The following ATRNL1 variants were observed in gnomAD, a reference collection of about 807,000 sequenced individuals.
The protein encoded by ATRNL1 is attractin-like protein 1.
Under a neutral mutation model 182.7 loss-of-function variants are expected in ATRNL1, and 95 were observed. The ratio of observed to expected loss-of-function variants is 0.52; its 90% CI spans 0.44 to 0.62. The LOEUF is 0.62. Among genes scored for constraint, ATRNL1 ranks in the 20% least tolerant of loss-of-function variants. The pLI is 0.00. For missense variants in ATRNL1, 1,471 were observed against 1,679.5 expected (o/e 0.88, Z 2.17); for synonymous variants, 576 against 568.3 (o/e 1.01, Z -0.19).
chr10:115,268,572 G>GCT, intron 13 of ATRNL1, 128 bp downstream of exon 13: 1 of 609,186 alleles, frequency 1.6e-6, no homozygotes, highest in Non-Finnish European at 3.0e-6. Flanking sequence ...AAGTATATAG[G>GCT]GAATCATTCA....
intron 26 of ATRNL1, among the ~76,000 whole-genome samples, chr10:115,621,390 G>A (rs1857763055): frequency 6.6e-6 from 1 of 151,190 alleles, no homozygotes; most frequent in South Asian, 2.1e-4. Flanking sequence ...CTGCAGCCTT[G>A]ACCTCCTGGG....
Position 115,093,686 on chromosome 10 carries a change from C to A in ATRNL1, c.-65C>A. The A allele has an allele frequency of 7.0e-7, 1 of 1,427,992 alleles. No homozygotes were observed. The highest frequency in any genetic ancestry group is 1.3e-5 in the South Asian group (1 of 74,648). The allele number at this position is 1,427,992 out of a possible 1,614,324, so 88.5% of individuals were successfully genotyped here. ...GGAGAGGTTTTCTGCGGCCGGAATT[C>A]CCTTCAACAGCATCCCTGTCGGCGC... On this transcript the variant is annotated 5_prime_UTR_variant, in exon 1 of 29. Coordinates refer to ENST00000355044, the MANE Select transcript of ATRNL1 (RefSeq NM_207303.4). This position sits in a 1 kb window ranked among gnomAD's most constrained non-coding sequence, Gnocchi z 6.1.
intron 28 of ATRNL1, among the ~76,000 whole-genome samples, chr10:115,920,976 C>T (rs1364292837): frequency 6.6e-6 from 1 of 152,090 alleles, no homozygotes; most frequent in Non-Finnish European, 1.5e-5. Flanking sequence ...AGTACAATAA[C>T]AGAAATGGTT....
intron 26 of ATRNL1, among the ~76,000 whole-genome samples, chr10:115,580,552 T>C (rs1365432155): frequency 6.6e-6 from 1 of 152,140 alleles, no homozygotes; most frequent in South Asian, 2.1e-4. Context: ...TCAATTACAA[T>C]GTGTTTCAGT....
At chr10:115,230,365 G>A (rs7096083) in intron 9 of ATRNL1, among the ~76,000 whole-genome samples, 5,164 of 152,232 alleles carry the variant, frequency 0.034, 289 homozygotes, top group African/African-American at 0.12. Flanking sequence ...ACCTAAAGGC[G>A]ATTAAGGAGC....
intron 19 of ATRNL1, among the ~76,000 whole-genome samples, chr10:115,370,967 C>A (rs1328045844): frequency 6.6e-6 from 1 of 152,106 alleles, no homozygotes; most frequent in African/African-American, 2.4e-5. Context: ...GGACTTGGTT[C>A]CCTGCATCCT....
At chr10:115,746,104 T>G (rs1022367013) in intron 27 of ATRNL1, among the ~76,000 whole-genome samples, 2 of 152,048 alleles carry the variant, frequency 1.3e-5, no homozygotes, top group African/African-American at 2.4e-5. Context: ...AATAGAGAGA[T>G]AAGTCATATC....
At chr10:115,333,838 G>A (rs990063330) in intron 18 of ATRNL1, among the ~76,000 whole-genome samples, 45 of 152,048 alleles carry the variant, frequency 3.0e-4, no homozygotes, top group African/African-American at 1.0e-3. Context: ...ATTCTGGTTA[G>A]AATCTATTGC....
At chr10:115,139,631 C>T (rs943247992) in intron 5 of ATRNL1, among the ~76,000 whole-genome samples, 9 of 152,132 alleles carry the variant, frequency 5.9e-5, no homozygotes, top group Non-Finnish European at 7.3e-5. Context: ...CCTTCCATAA[C>T]GTGGGAATTC....
intron 24 of ATRNL1, among the ~76,000 whole-genome samples, chr10:115,473,688 A>G (rs1848407403): frequency 6.6e-6 from 1 of 151,338 alleles, no homozygotes; most frequent in Non-Finnish European, 1.5e-5. Context: ...TCACCAGTGA[A>G]GTCATCGATT....
intron 27 of ATRNL1, among the ~76,000 whole-genome samples, chr10:115,772,950 T>G (rs1357782853): frequency 6.6e-6 from 1 of 152,148 alleles, no homozygotes; most frequent in African/African-American, 2.4e-5. Context: ...GACTACTGAC[T>G]GAGGCAAAAA....
intron 1 of ATRNL1, among the ~76,000 whole-genome samples, chr10:115,118,081 C>A (rs1554870510): frequency 1.3e-5 from 2 of 151,926 alleles, no homozygotes; most frequent in African/African-American, 4.8e-5. Flanking sequence ...GTTGTTTGAG[C>A]ACTGTATATA....
At chr10:115,387,746 G>A (rs1843741553) in intron 19 of ATRNL1, among the ~76,000 whole-genome samples, 1 of 152,032 alleles carries the variant, frequency 6.6e-6, no homozygotes, top group Non-Finnish European at 1.5e-5. Flanking sequence ...ATTCATCTAT[G>A]TAGCATGTAT....
chr10:115,094,363 C>A (rs1273269541), intron 1 of ATRNL1, among the ~76,000 whole-genome samples: 1 of 152,184 alleles, frequency 6.6e-6, no homozygotes, highest in Non-Finnish European at 1.5e-5. Context: ...TTATGATGCC[C>A]AGCACCATTT....
chr10:115,719,040 A>G (rs10510011), intron 26 of ATRNL1, among the ~76,000 whole-genome samples: 56,963 of 152,050 alleles, frequency 0.37, 11,524 homozygotes, highest in East Asian at 0.59. Context: ...CACCATGGAA[A>G]TCTTGATATG....
intron 8 of ATRNL1, among the ~76,000 whole-genome samples, chr10:115,214,483 T>A (rs1849155900): frequency 6.6e-6 from 1 of 152,012 alleles, no homozygotes; most frequent in South Asian, 2.1e-4. Flanking sequence ...CTTGGATGAC[T>A]TTTTTGGATA....
At chr10:115,755,801 G>C (rs1055005331) in intron 27 of ATRNL1, among the ~76,000 whole-genome samples, 1 of 152,074 alleles carries the variant, frequency 6.6e-6, no homozygotes, top group Non-Finnish European at 1.5e-5. Flanking sequence ...TCTGGTCCTG[G>C]ACGTTTTTTG....
intron 28 of ATRNL1, among the ~76,000 whole-genome samples, chr10:115,939,888 CA>C (rs1555123784): frequency 6.6e-6 from 1 of 152,050 alleles, no homozygotes; most frequent in Non-Finnish European, 1.5e-5. Flanking sequence ...AAGTGTGTGC[CA>C]AAAATGGCAA....
At chr10:115,658,889 CAGT>C (rs1555036852) in intron 26 of ATRNL1, among the ~76,000 whole-genome samples, 1 of 152,110 alleles carries the variant, frequency 6.6e-6, no homozygotes, top group African/African-American at 2.4e-5. Context: ...GGGAAACTTA[CAGT>C]CATGGCAGAA....
Sources: gnomAD v4.1 joint callset for allele counts (sites outside exome capture counted in the v4.1 genomes callset) on GRCh38, gnomAD v4.1.1 for gene constraint, Gnocchi (gnomAD v3.1) non-coding constraint, MANE v1.5 for transcripts, NCBI Gene and HGNC (gene_info 2026-07-23, HGNC 2026-07-21) for gene names.